FLACC1: variants seen among roughly 807,000 people sequenced by gnomAD.
FLACC1 encodes flagellum associated containing coiled-coil domains 1.
In FLACC1, 66 loss-of-function variants were observed where a neutral mutation model predicts 62.8. The observed-to-expected ratio is 1.05, with a 90% CI of 0.86 to 1.29. FLACC1 has a LOEUF of 1.29. FLACC1 is among the 50% of genes most tolerant of loss of function. The pLI is 0.00. For missense variants in FLACC1, 452 were observed against 489.1 expected (o/e 0.92, Z 0.71); for synonymous variants, 156 against 161.0 (o/e 0.97, Z 0.24).
rs546569868 is a variant in FLACC1 at position 201,320,434 on chromosome 2, C to T, written c.675+10036G>A. Reference sequence around the variant, plus strand: ...ATCTCTGCAGGGAACGTATATGACTCGGGACAGTTGCAAGTTCTGAGTGCA... The same window carrying T: ...ATCTCTGCAGGGAACGTATATGACTTGGGACAGTTGCAAGTTCTGAGTGCA... On this transcript the variant is annotated intron_variant, in intron 9 of 14. Transcript: ENST00000392257. Among the ~76,000 whole-genome samples, 21 of 152,294 alleles carry T rather than the reference C, an allele frequency of 1.4e-4. 1 individual carries two copies. In the South Asian group the frequency reaches 3.1e-3, roughly 23 times the overall value.
At chr2:201,291,086 G>C (rs576014583) in intron 12 of FLACC1, among the ~76,000 whole-genome samples, 4 of 152,318 alleles carry the variant, frequency 2.6e-5, no homozygotes, top group African/African-American at 9.6e-5. Flanking sequence ...TGCCTCTGTA[G>C]ACTCCACCTC....
chr2:201,297,478 G>T (rs1296568322), intron 12 of FLACC1, among the ~76,000 whole-genome samples: 1 of 152,164 alleles, frequency 6.6e-6, no homozygotes, highest in Admixed American at 6.5e-5. Flanking sequence ...GATTGAGAAG[G>T]TGTGACCAAT....
chr2:201,308,136 G>A (rs1439345198), intron 10 of FLACC1, among the ~76,000 whole-genome samples: 1 of 152,196 alleles, frequency 6.6e-6, no homozygotes, highest in Non-Finnish European at 1.5e-5. Context: ...TCTGGGGATG[G>A]ACAGGGAGTC....
At chr2:201,321,053 C>T (rs1258411643) in intron 9 of FLACC1, among the ~76,000 whole-genome samples, 1 of 152,162 alleles carries the variant, frequency 6.6e-6, no homozygotes, top group African/African-American at 2.4e-5. Context: ...GTCCACATGA[C>T]CAGTTCATTA....
chr2:201,294,599 T>C (rs1279417833), intron 12 of FLACC1, among the ~76,000 whole-genome samples: 1 of 152,186 alleles, frequency 6.6e-6, no homozygotes. Context: ...GCATTCCCTT[T>C]GAAAACTGGC....
chr2:201,362,005 C>T (rs538292547), upstream of FLACC1, among the ~76,000 whole-genome samples: 28 of 152,312 alleles, frequency 1.8e-4, no homozygotes, highest in African/African-American at 6.7e-4. Flanking sequence ...GTAACATTTG[C>T]TCATTTGAAA....
chr2:201,345,463 TG>T (rs1052169373), intron 5 of FLACC1, among the ~76,000 whole-genome samples: 2 of 151,092 alleles, frequency 1.3e-5, no homozygotes, highest in African/African-American at 4.9e-5. Flanking sequence ...TGTGTGTGTG[TG>T]TGTGTGTGTG....
intron 7 of FLACC1, among the ~76,000 whole-genome samples, chr2:201,332,643 T>C (rs915849661): frequency 6.6e-6 from 1 of 152,172 alleles, no homozygotes; most frequent in African/African-American, 2.4e-5. Context: ...CTCTGTGCAA[T>C]AGATCTAAGA....
At chr2:201,311,700 C>A (rs1239476774) in intron 9 of FLACC1, among the ~76,000 whole-genome samples, 423 of 113,182 alleles carry the variant, frequency 3.7e-3, no homozygotes, top group Admixed American at 4.6e-3. Flanking sequence ...GACACTGACT[C>A]AAAAAAAAAA....
intron 9 of FLACC1, among the ~76,000 whole-genome samples, chr2:201,313,561 G>A (rs200132808): frequency 2.0e-5 from 3 of 152,036 alleles, no homozygotes; most frequent in East Asian, 1.9e-4. Context: ...AGCAAGACTC[G>A]CCCAAGAAGA....
At chr2:201,339,145 A>G (rs1950754227) in intron 7 of FLACC1, among the ~76,000 whole-genome samples, 1 of 151,734 alleles carries the variant, frequency 6.6e-6, no homozygotes, top group Non-Finnish European at 1.5e-5. Context: ...ATCTTGTTAG[A>G]TTTTATCTTT....
intron 7 of FLACC1, among the ~76,000 whole-genome samples, chr2:201,333,795 A>G (rs1282612698): frequency 2.0e-5 from 3 of 152,136 alleles, no homozygotes; most frequent in Non-Finnish European, 4.4e-5. Context: ...TTCTTAATCC[A>G]GTCTATCATA....
At chr2:201,328,831 T>C (rs1950542454) in intron 9 of FLACC1, among the ~76,000 whole-genome samples, 1 of 152,258 alleles carries the variant, frequency 6.6e-6, no homozygotes, top group Non-Finnish European at 1.5e-5. Flanking sequence ...AAATAAGTTA[T>C]AGAGCCCCAG....
At chr2:201,317,295 A>C (rs1337600759) in intron 9 of FLACC1, among the ~76,000 whole-genome samples, 2 of 152,226 alleles carry the variant, frequency 1.3e-5, no homozygotes, top group African/African-American at 4.8e-5. Flanking sequence ...TATACCTACA[A>C]AACCCTAAAG....
chr2:201,289,732 T>A lies in FLACC1; in HGVS notation c.996A>T (p.Thr332=). 5.6e-6 allele frequency: 9 copies of A among 1,614,158 alleles called. No individual in the cohort carries two copies. The highest frequency in any genetic ancestry group is 7.6e-6 in the Non-Finnish European group (9 of 1,180,016). ...GTTCCAACTGGGTATAGTAGAGGTTTGTGTTCAGTGACTCTAGGATAAGGG... is the reference window on the plus strand; with the variant it reads ...GTTCCAACTGGGTATAGTAGAGGTTAGTGTTCAGTGACTCTAGGATAAGGG... ...AQALILESLN[T]NLYYTQLELQ... is the part of the protein sequence containing the mutation. Residue 332 remains threonine (T), a synonymous_variant, in exon 13 of 15, where the codon ACA becomes ACT. Coordinates refer to ENST00000392257, the MANE Select transcript of FLACC1 (RefSeq NM_001127391.3).
intron 11 of FLACC1, among the ~76,000 whole-genome samples, chr2:201,306,316 G>A (rs1950106282): frequency 6.6e-6 from 1 of 152,036 alleles, no homozygotes; most frequent in Non-Finnish European, 1.5e-5. Context: ...GGGAGAATCT[G>A]TCCCCATCAT....
chr2:201,345,817 G>C (rs1950901878), intron 5 of FLACC1, among the ~76,000 whole-genome samples: 1 of 152,168 alleles, frequency 6.6e-6, no homozygotes, highest in African/African-American at 2.4e-5. Flanking sequence ...AGTCAGGCCA[G>C]AACCTTCCAC....
chr2:201,294,881 GAC>G (rs996871093), intron 12 of FLACC1, among the ~76,000 whole-genome samples: 2 of 152,100 alleles, frequency 1.3e-5, no homozygotes, highest in Non-Finnish European at 2.9e-5. Context: ...ACCAATAACA[GAC>G]AAACAGAGAG....
At position 201,351,529 on chromosome 2, in the gene FLACC1, AG is replaced by A. The variant is rs1951029044; in HGVS notation, c.-47-79del. On this transcript the variant is annotated intron_variant, in intron 1 of 14. Coordinates refer to ENST00000392257, the MANE Select transcript of FLACC1 (RefSeq NM_001127391.3). ...AATACAGAAGAATTGGGAAGAACCC[AG>A]GGAGGACCCAAAGAACAATGGTAGA... 4.3e-6 allele frequency: 3 copies of A among 703,662 alleles called. No individual in the cohort carries two copies. The Admixed American group carries it at 7.9e-5, about 19-fold the overall frequency. 43.6% of individuals were successfully genotyped at this position (703,662 alleles called of 1,614,324 possible).
Sources: gnomAD v4.1 joint callset for allele counts (sites outside exome capture counted in the v4.1 genomes callset) on GRCh38, gnomAD v4.1.1 for gene constraint, MANE v1.5 for transcripts, NCBI Gene and HGNC (gene_info 2026-07-23, HGNC 2026-07-21) for gene names.